DDR2: variants seen among roughly 807,000 people sequenced by gnomAD.
DDR2 encodes discoidin domain-containing receptor 2.
A neutral mutation model predicts 94.9 loss-of-function variants in DDR2; 27 were observed. The ratio of observed to expected loss-of-function variants is 0.28; its 90% CI spans 0.21 to 0.39. The LOEUF (loss-of-function observed/expected upper bound fraction) is 0.39. DDR2 is among the 10% of genes least tolerant of loss of function. The pLI, the probability that DDR2 is intolerant of heterozygous loss-of-function variation, is 1.00. For missense variants in DDR2, 783 were observed against 1,076.0 expected, an observed-to-expected ratio of 0.73 and a Z score of 3.81; for synonymous variants, 382 against 377.2, an observed-to-expected ratio of 1.01 and a Z score of -0.15.
In DDR2 at chr1:162,784,809, A is replaced by T. The variant is rs529565292; in HGVS notation, c.*4563A>T. ...AGATCCAGTTTTCCCCATTTATAAC[A>T]TTTCACTTAGTCCATTTTCGGAACC... On this transcript the variant is annotated 3_prime_UTR_variant, in exon 18 of 18. Transcript: ENST00000367921. 6 of 152,314 alleles carry T rather than the reference A, an allele frequency of 3.9e-5. No individual in the cohort carries two copies. Among genetic ancestry groups the T allele is most frequent in the Admixed American group, 3.9e-4 (6 of 15,286 alleles). The allele number at this position is 152,314 out of a possible 1,614,324, so 9.4% of individuals were successfully genotyped here.
intron 1 of DDR2, among the ~76,000 whole-genome samples, chr1:162,642,782 C>G (rs142542853): frequency 3.5e-4 from 54 of 152,282 alleles, no homozygotes; most frequent in African/African-American, 1.3e-3. Context: ...ACCTTTCCCT[C>G]TCTCACTGAG....
chr1:162,740,594 C>A (rs1057271214), intron 3 of DDR2, among the ~76,000 whole-genome samples: 7 of 152,078 alleles, frequency 4.6e-5, no homozygotes, highest in African/African-American at 1.7e-4. Context: ...TAAAAGAATG[C>A]CTATTCCTTT....
chr1:162,707,668 G>A (rs2102007794), intron 2 of DDR2, among the ~76,000 whole-genome samples: 1 of 152,260 alleles, frequency 6.6e-6, no homozygotes, highest in East Asian at 1.9e-4. Context: ...ACTTTTTGTT[G>A]TTGTTGTGTT....
At chr1:162,667,046 C>T (rs1658616752) in intron 2 of DDR2, among the ~76,000 whole-genome samples, 1 of 151,676 alleles carries the variant, frequency 6.6e-6, no homozygotes. Context: ...ATATGTCTAT[C>T]TATCTATCTA....
chr1:162,672,062 A>T lies in DDR2; in HGVS notation c.-28+16688A>T, dbSNP rs550940561. Among the ~76,000 whole-genome samples the T allele has an allele frequency of 3.9e-5, 6 of 152,290 alleles. No homozygotes were observed. The East Asian group carries it at 1.2e-3, about 29-fold the overall frequency. Reference sequence around the variant, plus strand: ...TCATCCTCTTTAGAGCTACCAGAGCACATACTCTTGATACATCTTCTTGCG... The same window carrying T: ...TCATCCTCTTTAGAGCTACCAGAGCTCATACTCTTGATACATCTTCTTGCG... On this transcript the variant is annotated intron_variant, in intron 2 of 17. Coordinates refer to ENST00000367921, the MANE Select transcript of DDR2 (RefSeq NM_006182.4).
chr1:162,735,804 GCTCTGATAAAA>G (rs934995435), intron 3 of DDR2, among the ~76,000 whole-genome samples: 6 of 152,230 alleles, frequency 3.9e-5, no homozygotes, highest in African/African-American at 1.4e-4. Flanking sequence ...AGCAGCAGTA[GCTCTGATAAAA>G]CTCCTTAGTT....
intron 2 of DDR2, among the ~76,000 whole-genome samples, chr1:162,665,759 T>C (rs1033402337): frequency 6.6e-6 from 1 of 152,130 alleles, no homozygotes; most frequent in Non-Finnish European, 1.5e-5. Flanking sequence ...ATCAATAAAG[T>C]CCAATCTGTG....
intron 11 of DDR2, 36 bp from the exon 12 acceptor site, chr1:162,770,266 T>G (rs757680934): frequency 6.2e-7 from 1 of 1,604,268 alleles, no homozygotes; most frequent in African/African-American, 1.3e-5. Flanking sequence ...ATCTCTTTTG[T>G]GCCAACATGC....
intron 3 of DDR2, among the ~76,000 whole-genome samples, chr1:162,737,511 G>C (rs1662368687): frequency 7.4e-6 from 1 of 134,944 alleles, no homozygotes; most frequent in Non-Finnish European, 1.6e-5. Context: ...TGGCTGCATA[G>C]TATTCCATGG....
chr1:162,727,098 TA>T (rs1434671101), intron 3 of DDR2, among the ~76,000 whole-genome samples: 1 of 143,846 alleles, frequency 7.0e-6, no homozygotes, highest in Admixed American at 7.1e-5. Flanking sequence ...ATTAATACAT[TA>T]AAATATAAAC....
rs189869972 is a variant in DDR2 at position 162,662,478 on chromosome 1, A to G, written c.-28+7104A>G. ...TCTACACCGTCTGTTCTCATACCAC[A>G]TTATATGGAAATTATCCATTTGCAG... On this transcript the variant is annotated intron_variant, in intron 2 of 17. Coordinates refer to ENST00000367921, the MANE Select transcript of DDR2 (RefSeq NM_006182.4). Among the ~76,000 whole-genome samples, 215 of 152,266 alleles carry G rather than the reference A, an allele frequency of 1.4e-3. 1 individual carries two copies. The highest frequency in any genetic ancestry group is 4.7e-3 in the African/African-American group (195 of 41,566).
chr1:162,775,928 T>C, intron 15 of DDR2, 85 bp downstream of exon 15: 5 of 1,559,492 alleles, frequency 3.2e-6, no homozygotes, highest in Non-Finnish European at 4.4e-6. Flanking sequence ...AGCCTTAAAG[T>C]GTATCAATGT....
intron 2 of DDR2, among the ~76,000 whole-genome samples, chr1:162,688,348 T>C (rs1659792883): frequency 3.3e-5 from 5 of 152,240 alleles, no homozygotes; most frequent in Admixed American, 2.6e-4. Flanking sequence ...ATTTTCTGGG[T>C]AATTCCCATG....
In DDR2 at chr1:162,743,358, C is replaced by T. The variant is rs141563374; in HGVS notation, c.83-9737C>T. 1.6e-4 allele frequency among the ~76,000 whole-genome samples: 25 copies of T among 152,194 alleles called. 1 individual carries two copies. Among genetic ancestry groups the T allele is most frequent in the South Asian group, 4.2e-4 (2 of 4,818 alleles). Reference sequence around the variant, plus strand: ...GTGCCAAGCCTGGGCATTATGCTCACGTGAAACCTTTTTCCCTTGATTTTT... The same window carrying T: ...GTGCCAAGCCTGGGCATTATGCTCATGTGAAACCTTTTTCCCTTGATTTTT... On this transcript the variant is annotated intron_variant, in intron 3 of 17. Transcript: ENST00000367921.
intron 3 of DDR2, among the ~76,000 whole-genome samples, chr1:162,735,313 G>A (rs1191761087): frequency 6.6e-6 from 1 of 152,130 alleles, no homozygotes; most frequent in Non-Finnish European, 1.5e-5. Context: ...GAAGAGGGGA[G>A]CGCTGACATG....
chr1:162,739,005 C>A (rs1662452965), intron 3 of DDR2, among the ~76,000 whole-genome samples: 1 of 74,554 alleles, frequency 1.3e-5, no homozygotes, highest in Admixed American at 1.5e-4. Flanking sequence ...CATAAAAACC[C>A]TAGAAGAAAA....
chr1:162,766,830 G>C (rs936419946), intron 10 of DDR2, among the ~76,000 whole-genome samples: 1 of 151,952 alleles, frequency 6.6e-6, no homozygotes, highest in Non-Finnish European at 1.5e-5. Flanking sequence ...TCAGGAGTTC[G>C]AGACCAGACT....
At chr1:162,657,737 C>T (rs146213032) in intron 2 of DDR2, among the ~76,000 whole-genome samples, 16 of 152,220 alleles carry the variant, frequency 1.1e-4, no homozygotes, top group African/African-American at 2.2e-4. Context: ...GCAGCACCGA[C>T]GGCCCCGTGC....
chr1:162,714,242 A>G (rs1391723477), intron 2 of DDR2, among the ~76,000 whole-genome samples: 1 of 152,116 alleles, frequency 6.6e-6, no homozygotes, highest in Non-Finnish European at 1.5e-5. Flanking sequence ...TGTTATGTTT[A>G]TGATGTCTTT....
Sources: gnomAD v4.1 joint callset for allele counts (sites outside exome capture counted in the v4.1 genomes callset) on GRCh38, gnomAD v4.1.1 for gene constraint, MANE v1.5 for transcripts, NCBI Gene and HGNC (gene_info 2026-07-23, HGNC 2026-07-21) for gene names.